C3orf70: variants seen among roughly 807,000 people sequenced by gnomAD.
The protein encoded by C3orf70 is chromosome 3 open reading frame 70.
C3orf70 carries 15 observed loss-of-function variants against 20.7 expected under a neutral mutation model. That is an observed-to-expected ratio of 0.72 (90% confidence interval 0.48 to 1.11). The LOEUF (loss-of-function observed/expected upper bound fraction) is 1.11. Ranked by LOEUF, C3orf70 falls within the 50% of genes most tolerant of loss-of-function variation. The pLI, the probability that C3orf70 is intolerant of heterozygous loss-of-function variation, is 0.00. For missense variants in C3orf70, 332 were observed against 317.6 expected (o/e 1.05, Z -0.34); for synonymous variants, 161 against 125.7 (o/e 1.28, Z -1.88).
chr3:185,129,590 T>A (rs1465699791), intron 1 of C3orf70, among the ~76,000 whole-genome samples: 3 of 152,212 alleles, frequency 2.0e-5, no homozygotes, highest in African/African-American at 7.2e-5. Context: ...GTGGGACTGC[T>A]GGGTCAAATG....
chr3:185,079,118 A>T lies in C3orf70; in HGVS notation c.*3889T>A, dbSNP rs925672704. On this transcript the variant is annotated 3_prime_UTR_variant, in exon 2 of 2. Coordinates refer to ENST00000335012, the MANE Select transcript of C3orf70 (RefSeq NM_001025266.3). ...AACACGGTGAAACCCCGTTTCTACT[A>T]AAAATACAAAAAATTAGCGAGGCAT... The T allele has an allele frequency of 1.3e-5, 2 of 151,964 alleles. No individual in the cohort carries two copies. The highest frequency in any genetic ancestry group is 2.9e-5 in the Non-Finnish European group (2 of 68,026). The allele number at this position is 151,964 out of a possible 1,614,324, so 9.4% of individuals were successfully genotyped here. A position where few individuals can be genotyped will look rare whatever the true frequency, so the allele number is the denominator to read the frequency against.
At chr3:185,143,203 T>C (rs1716793243) in intron 1 of C3orf70, among the ~76,000 whole-genome samples, 2 of 152,166 alleles carry the variant, frequency 1.3e-5, no homozygotes, top group Admixed American at 1.3e-4. Flanking sequence ...TATTTTGGTA[T>C]GAAGTGTCAT....
chr3:185,134,156 A>G (rs981896729), intron 1 of C3orf70, among the ~76,000 whole-genome samples: 14 of 147,364 alleles, frequency 9.5e-5, no homozygotes, highest in African/African-American at 3.5e-4. Flanking sequence ...GCAGTAGAAG[A>G]TATTGGGATA....
intron 1 of C3orf70, among the ~76,000 whole-genome samples, chr3:185,142,392 C>T (rs1716773511): frequency 6.6e-6 from 1 of 152,128 alleles, no homozygotes; most frequent in Non-Finnish European, 1.5e-5. Flanking sequence ...AGGAAGGTTG[C>T]ACTGCACTCC....
At chr3:185,128,807 CTG>C (rs1041055833) in intron 1 of C3orf70, among the ~76,000 whole-genome samples, 13 of 152,286 alleles carry the variant, frequency 8.5e-5, no homozygotes, top group African/African-American at 2.9e-4. Context: ...CTGTGAAACT[CTG>C]TCTTCGCATA....
At chr3:185,105,589 G>C (rs556355411) in intron 1 of C3orf70, among the ~76,000 whole-genome samples, 37 of 152,228 alleles carry the variant, frequency 2.4e-4, no homozygotes, top group Admixed American at 3.3e-4. Flanking sequence ...GTCTGTTTGG[G>C]GCTCTCAGCT....
rs1326406759 is a variant in C3orf70, at chr3:185,081,929, A to G, written c.*1078T>C. The G allele has an allele frequency of 6.6e-6, 1 of 152,610 alleles. No homozygotes were observed. Among genetic ancestry groups the G allele is most frequent in the Non-Finnish European group, 1.5e-5 (1 of 68,036 alleles). 9.5% of individuals were successfully genotyped at this position (152,610 alleles called of 1,614,324 possible). A position where few individuals can be genotyped will look rare whatever the true frequency, so the allele number is the denominator to read the frequency against. On this transcript the variant is annotated 3_prime_UTR_variant, in exon 2 of 2. Transcript: ENST00000335012. ...CAACCAAATGAAGCAGAATTAATCA[A>G]ACCTATTAGATTCAGTCCTAATCCC... is the stretch of plus-strand genomic sequence containing the variant.
At chr3:185,109,125 G>A (rs1275732274) in intron 1 of C3orf70, among the ~76,000 whole-genome samples, 2 of 152,180 alleles carry the variant, frequency 1.3e-5, no homozygotes, top group East Asian at 3.8e-4. Context: ...GAAAGGGGGA[G>A]ACAGAGAATA....
At chr3:185,100,038 C>T (rs1346420619) in intron 1 of C3orf70, among the ~76,000 whole-genome samples, 1 of 152,148 alleles carries the variant, frequency 6.6e-6, no homozygotes, top group East Asian at 1.9e-4. Flanking sequence ...AACACAGGAG[C>T]ACCCAGATTC....
chr3:185,118,112 A>G (rs2108598096), intron 1 of C3orf70, among the ~76,000 whole-genome samples: 1 of 152,302 alleles, frequency 6.6e-6, no homozygotes, highest in South Asian at 2.1e-4. Context: ...CTATGTTCTA[A>G]TATGTCCCCA....
At position 185,076,839 on chromosome 3, in the gene C3orf70, G is replaced by A. The variant is rs904948057; in HGVS notation, c.*6168C>T. On this transcript the variant is annotated 3_prime_UTR_variant, in exon 2 of 2. Transcript: ENST00000335012. ...CCAGTGACTGAATTGTAATGAGGAT[G>A]AGATGCTAAATTAAAGTTTATTGCA... Among the ~76,000 whole-genome samples, 4 of 152,192 alleles carry A rather than the reference G, an allele frequency of 2.6e-5. No homozygotes were observed. Among genetic ancestry groups the A allele is most frequent in the African/African-American group, 9.7e-5 (4 of 41,450 alleles).
chr3:185,110,507 T>C (rs988811279), intron 1 of C3orf70, among the ~76,000 whole-genome samples: 8 of 152,200 alleles, frequency 5.3e-5, no homozygotes, highest in Non-Finnish European at 4.4e-5. Context: ...CTTGCTTTTA[T>C]TGATTTGCAA....
intron 1 of C3orf70, among the ~76,000 whole-genome samples, chr3:185,086,971 C>T (rs570766056): frequency 6.6e-6 from 1 of 152,078 alleles, no homozygotes; most frequent in African/African-American, 2.4e-5. Context: ...TGCTCCAGTC[C>T]CTGATAACTT....
intron 1 of C3orf70, among the ~76,000 whole-genome samples, chr3:185,104,338 G>A (rs1715882222): frequency 1.3e-5 from 2 of 152,296 alleles, no homozygotes; most frequent in South Asian, 4.1e-4. Context: ...GTGTTGGAGA[G>A]GTTGCAGAGA....
chr3:185,086,197 T>G (rs1715456340), intron 1 of C3orf70, among the ~76,000 whole-genome samples: 1 of 152,188 alleles, frequency 6.6e-6, no homozygotes, highest in Admixed American at 6.5e-5. Flanking sequence ...ATCTCTTTTT[T>G]TTTCCTTCCC....
At chr3:185,101,724 G>A (rs922839765) in intron 1 of C3orf70, among the ~76,000 whole-genome samples, 1 of 152,194 alleles carries the variant, frequency 6.6e-6, no homozygotes, top group Admixed American at 6.5e-5. Context: ...TAGGGGGATG[G>A]TGCTAAACCA....
chr3:185,118,825 C>T (rs28458169), intron 1 of C3orf70, among the ~76,000 whole-genome samples: 8,020 of 152,172 alleles, frequency 0.053, 683 homozygotes, highest in African/African-American at 0.18. Flanking sequence ...TTGTACTCTA[C>T]GCAAGTTAAG....
Position 185,080,351 on chromosome 3 carries a change from C to G in C3orf70, c.*2656G>C, listed in dbSNP as rs1465359533. On this transcript the variant is annotated 3_prime_UTR_variant, in exon 2 of 2. Transcript: ENST00000335012. Reference sequence around the variant, plus strand: ...GTTCAGGAGTCTAAAAAAACAGGAACCTAGACAGAAGTCTTAGATGGTACT... The same window carrying G: ...GTTCAGGAGTCTAAAAAAACAGGAAGCTAGACAGAAGTCTTAGATGGTACT... 1 of 152,648 alleles carries G rather than the reference C, an allele frequency of 6.6e-6. No individual in the cohort carries two copies. Among genetic ancestry groups the G allele is most frequent in the Non-Finnish European group, 1.5e-5 (1 of 68,044 alleles). 9.5% of individuals were successfully genotyped at this position (152,648 alleles called of 1,614,324 possible). A position where few individuals can be genotyped will look rare whatever the true frequency, so the allele number is the denominator to read the frequency against.
chr3:185,119,436 A>G (rs572056638), intron 1 of C3orf70, among the ~76,000 whole-genome samples: 2 of 152,012 alleles, frequency 1.3e-5, no homozygotes, highest in Non-Finnish European at 2.9e-5. Flanking sequence ...GCAGATCACG[A>G]AGTCAGGAGA....
Sources: gnomAD v4.1 joint callset for allele counts (sites outside exome capture counted in the v4.1 genomes callset) on GRCh38, gnomAD v4.1.1 for gene constraint, MANE v1.5 for transcripts, NCBI Gene and HGNC (gene_info 2026-07-23, HGNC 2026-07-21) for gene names.